Variants in SP110 observed in about 807,000 individuals in gnomAD.
The protein encoded by SP110 is SP110 nuclear body protein.
In SP110, 62 loss-of-function variants were observed where a neutral mutation model predicts 92.7. That is an observed-to-expected ratio of 0.67 (90% confidence interval 0.55 to 0.83). The LOEUF is 0.83. Among genes scored for constraint, SP110 ranks in the 40% least tolerant of loss-of-function variants. The pLI is 0.00. For missense variants in SP110, 793 were observed against 863.9 expected (o/e 0.92, Z 1.03); for synonymous variants, 273 against 305.3 (o/e 0.89, Z 1.10).
In SP110 at chr2:230,209,974, T is replaced by C. The variant is rs750446967; in HGVS notation, c.786A>G (p.Pro262=). ...TGCTGGACACCTCCTGGGGCTCTTC[T>C]GGGTCATTTGGTTCTGGAGAATTAT... The part of the protein sequence containing the change: ...IRDNSPEPND[P]EEPQEVSSTP... Residue 262 remains proline, a synonymous_variant, in exon 7 of 19, where the codon CCA becomes CCG. Coordinates refer to ENST00000258381, the MANE Select transcript of SP110 (RefSeq NM_080424.4). 1 of 1,609,744 alleles carries C rather than the reference T, an allele frequency of 6.2e-7. No homozygotes were observed. Among genetic ancestry groups the C allele is most frequent in the Non-Finnish European group, 8.5e-7 (1 of 1,175,928 alleles).
chr2:230,187,265 A>T (rs1054891641), intron 10 of SP110, among the ~76,000 whole-genome samples: 2 of 151,892 alleles, frequency 1.3e-5, no homozygotes, highest in African/African-American at 4.8e-5. Context: ...GATGTTGAGC[A>T]TTTTTTCAGA....
rs553489875 is a variant in SP110 at position 230,203,147 on chromosome 2, C to A, written c.899-419G>T. Reference sequence around the variant, plus strand: ...AGAGATTTCCAAAAGTTTCTAGGTGCCTTCAGTGGGCAAAGTGCAAGGTAT... The same window carrying A: ...AGAGATTTCCAAAAGTTTCTAGGTGACTTCAGTGGGCAAAGTGCAAGGTAT... On this transcript the variant is annotated intron_variant, in intron 8 of 18. Coordinates refer to ENST00000258381, the MANE Select transcript of SP110 (RefSeq NM_080424.4). 4.6e-4 allele frequency: 103 copies of A among 224,762 alleles called. No individual in the cohort carries two copies. The South Asian group carries it at 6.5e-3, about 14-fold the overall frequency. 13.9% of individuals were successfully genotyped at this position (224,762 alleles called of 1,614,324 possible). A position where few individuals can be genotyped will look rare whatever the true frequency, so the allele number is the denominator to read the frequency against.
At chr2:230,187,164 AT>A (rs554810133) in intron 10 of SP110, among the ~76,000 whole-genome samples, 4 of 150,442 alleles carry the variant, frequency 2.7e-5, no homozygotes, top group Non-Finnish European at 4.4e-5. Flanking sequence ...GTTAACATCT[AT>A]TTTTTTTTGA....
intron 8 of SP110, among the ~76,000 whole-genome samples, chr2:230,205,320 C>T (rs2043646678): frequency 6.6e-6 from 1 of 152,132 alleles, no homozygotes; most frequent in South Asian, 2.1e-4. Flanking sequence ...CACCTTCTTT[C>T]TTCATCATCA....
intron 10 of SP110, among the ~76,000 whole-genome samples, chr2:230,192,969 T>C (rs987871311): frequency 2.0e-5 from 3 of 152,180 alleles, no homozygotes; most frequent in Non-Finnish European, 4.4e-5. Flanking sequence ...CCCACTATTA[T>C]TGTGTTGTTG....
At chr2:230,179,808 G>A (rs2042046424) in intron 12 of SP110, among the ~76,000 whole-genome samples, 1 of 152,092 alleles carries the variant, frequency 6.6e-6, no homozygotes, top group East Asian at 1.9e-4. Flanking sequence ...GGAGCAGGGG[G>A]TGGCTTTGGG....
At chr2:230,177,377 T>C (rs1321250137) in intron 14 of SP110, 161 bp downstream of exon 14, 4 of 787,348 alleles carry the variant, frequency 5.1e-6, no homozygotes, top group Non-Finnish European at 8.9e-6. Context: ...CAATATGTGC[T>C]CCTAACTTTG....
At position 230,178,232 on chromosome 2, in the gene SP110, CCA is replaced by C; in HGVS notation, c.1370_1371del (p.Val457GlyfsTer6). The C allele has an allele frequency of 1.2e-6, 2 of 1,612,342 alleles. No individual in the cohort carries two copies. Reference protein sequence around the residue: ...HRRGKPKSDTVDFHCSKLPVT... With the variant: ...HRRGKPKSDTXDFHCSKLPVT... ...ACGGGGAGCTTAGAACAGTGAAAAT[CCA>C]CAGTGTCACTTTTGGGTTTTCCTTA... On this transcript the variant is annotated frameshift_variant, in exon 13 of 19. Transcript: ENST00000258381. LOFTEE classifies it high-confidence loss of function.
intron 3 of SP110, 54 bp downstream of exon 3, chr2:230,214,896 A>G: frequency 6.7e-7 from 1 of 1,492,536 alleles, no homozygotes; most frequent in South Asian, 1.1e-5. Flanking sequence ...GTAAACCCAG[A>G]CTTTTACCAT....
rs189855690 is a variant in SP110, at chr2:230,201,955, G to C, written c.1048+624C>G. Among the ~76,000 whole-genome samples, 501 of 152,240 alleles carry C rather than the reference G, an allele frequency of 3.3e-3. 3 individuals are homozygous for C. Among genetic ancestry groups the C allele is most frequent in the African/African-American group, 0.012 (478 of 41,546 alleles). On this transcript the variant is annotated intron_variant, in intron 9 of 18. Transcript: ENST00000258381. The stretch of plus-strand genomic sequence containing the variant: ...TAAATTACCTCACCCTTTTAAACTA[G>C]ATATCTGTGTAAGGCCAGATTTTCT...
intron 9 of SP110, among the ~76,000 whole-genome samples, chr2:230,201,481 C>CA (rs920978095): frequency 1.7e-4 from 26 of 150,990 alleles, no homozygotes; most frequent in South Asian, 1.0e-3. Context: ...CTCACTGTAC[C>CA]AAAAAAAATA....
rs754241391 is a variant in SP110 at position 230,201,007 on chromosome 2, C to G, written c.1049-42G>C. 8 of 1,470,742 alleles carry G rather than the reference C, an allele frequency of 5.4e-6. 1 individual carries two copies. In the South Asian group the frequency reaches 9.1e-5, roughly 17 times the overall value. 91.1% of individuals were successfully genotyped at this position (1,470,742 alleles called of 1,614,324 possible). ...CTTAGTAAATGCCCCTTGGGAAACA[C>G]CATGGAGAATCTCCCAGAGACCCAG... On this transcript the variant is annotated intron_variant, in intron 9 of 18. Coordinates refer to ENST00000258381, the MANE Select transcript of SP110 (RefSeq NM_080424.4).
Position 230,206,598 on chromosome 2 carries a change from T to TATATATATATAC in SP110, c.898+1392_898+1393insGTATATATATAT, listed in dbSNP as rs1251897023. Among the ~76,000 whole-genome samples the TATATATATATAC allele has an allele frequency of 5.4e-4, 17 of 31,286 alleles. 1 individual carries two copies. The highest frequency in any genetic ancestry group is 9.5e-4 in the Non-Finnish European group (17 of 17,934). 20.5% of individuals were successfully genotyped at this position (31,286 alleles called of 152,430 possible). A position where few individuals can be genotyped will look rare whatever the true frequency, so the allele number is the denominator to read the frequency against. ...TATATATTATCTGGTCCAGATTTTA[T>TATATATATATAC]ATATATATATATATATATATATATA... On this transcript the variant is annotated intron_variant, in intron 8 of 18. Coordinates refer to ENST00000258381, the MANE Select transcript of SP110 (RefSeq NM_080424.4).
Position 230,166,397 on chromosome 2 carries a change from A to G in SP110, c.*2727T>C, listed in dbSNP as rs2078311322. On this transcript the variant is annotated 3_prime_UTR_variant, in exon 19 of 19. Coordinates refer to ENST00000258381, the MANE Select transcript of SP110 (RefSeq NM_080424.4). Reference sequence around the variant, plus strand: ...AAAACACTATAAATTATTCCAGAATATATTAAAAGGTAGAAAATTTTACAA... The same window carrying G: ...AAAACACTATAAATTATTCCAGAATGTATTAAAAGGTAGAAAATTTTACAA... Among the ~76,000 whole-genome samples, 1 of 152,242 alleles carries G rather than the reference A, an allele frequency of 6.6e-6. No individual in the cohort carries two copies. Among genetic ancestry groups the G allele is most frequent in the South Asian group, 2.1e-4 (1 of 4,832 alleles).
chr2:230,199,753 C>T (rs1124534), intron 10 of SP110, among the ~76,000 whole-genome samples: 21,345 of 151,804 alleles, frequency 0.14, 1,744 homozygotes, highest in South Asian at 0.27. Context: ...AGTTTATTTC[C>T]ATTATCCATA....
chr2:230,221,987 GGAGGCT>G (rs1317829400), upstream of SP110, among the ~76,000 whole-genome samples: 4 of 152,224 alleles, frequency 2.6e-5, no homozygotes, highest in African/African-American at 9.6e-5. Flanking sequence ...TAGCACTTTG[GGAGGCT>G]GAGGCAGGCA....
At chr2:230,190,369 T>C (rs1310901623) in intron 10 of SP110, among the ~76,000 whole-genome samples, 1 of 152,216 alleles carries the variant, frequency 6.6e-6, no homozygotes, top group Non-Finnish European at 1.5e-5. Context: ...GAGAAGTGTC[T>C]GTTCATATCC....
At chr2:230,216,718 A>T in intron 2 of SP110, 63 bp downstream of exon 2, 1 of 1,597,968 alleles carries the variant, frequency 6.3e-7, no homozygotes, top group Non-Finnish European at 8.6e-7. Context: ...GTGGTTTGAG[A>T]CTTTAATAAT....
rs201061628 is a variant in SP110, at chr2:230,210,008, T to C, written c.752A>G (p.Glu251Gly). Residue 251 changes from glutamate to glycine, a missense_variant and splice_region_variant, in exon 7 of 19, where the codon GAG becomes GGG. Glu to Gly is a moderately conservative substitution (Grantham distance 98, BLOSUM62 -2). Coordinates refer to ENST00000258381, the MANE Select transcript of SP110 (RefSeq NM_080424.4). Reference protein sequence around the residue: ...MPHSPLGSMPEIRDNSPEPND... With the variant: ...MPHSPLGSMPGIRDNSPEPND... ...TGGTTCTGGAGAATTATCTCTTATC[T>C]CTGACAAAAGAAATATAAGTCATTT... is the stretch of plus-strand genomic sequence containing the variant. The C allele has an allele frequency of 4.4e-6, 7 of 1,585,030 alleles. No individual in the cohort carries two copies. Among genetic ancestry groups the C allele is most frequent in the Non-Finnish European group, 5.2e-6 (6 of 1,153,642 alleles).
Sources: allele counts gnomAD v4.1 joint callset (sites outside exome capture counted in the v4.1 genomes callset), GRCh38; gene constraint gnomAD v4.1.1; transcripts MANE v1.5; gene names NCBI Gene and HGNC (gene_info 2026-07-23, HGNC 2026-07-21).